TASP1: variants seen among roughly 807,000 people sequenced by gnomAD.
The protein encoded by TASP1 is taspase 1, also known as threonine aspartase 1.
Under a neutral mutation model 56.6 loss-of-function variants are expected in TASP1, and 16 were observed. That is an observed-to-expected ratio of 0.28 (90% CI 0.19 to 0.43). The LOEUF (loss-of-function observed/expected upper bound fraction) is 0.43, where lower values mean the gene tolerates loss of function less well. TASP1 is among the 20% of genes least tolerant of loss of function. The probability of loss-of-function intolerance (pLI) is 1.00; values close to 1 mark genes in which losing one functional copy is unlikely to be tolerated. For synonymous variants in TASP1, 179 were observed against 184.2 expected (o/e 0.97, Z 0.23); for missense variants, 393 against 511.6 (o/e 0.77, Z 2.24).
the TASP1 span, among the ~76,000 whole-genome samples, chr20:13,356,072 G>A: frequency 2.6e-5 from 4 of 152,104 alleles, no homozygotes; most frequent in Admixed American, 2.6e-4. Context: ...TATTCCCACT[G>A]GATATTTGGC....
At chr20:13,160,026 A>AG in the TASP1 span, 2 of 1,613,054 alleles carry the variant, frequency 1.2e-6, no homozygotes, top group Middle Eastern at 3.3e-4. Flanking sequence ...CATATGCTAG[A>AG]GAAAAAAATT....
chr20:13,320,120 C>A, the TASP1 span, among the ~76,000 whole-genome samples: 1 of 152,176 alleles, frequency 6.6e-6, no homozygotes, highest in African/African-American at 2.4e-5. Flanking sequence ...CTGTGAGAAG[C>A]AATCTATACC....
At chr20:13,358,221 C>A in the TASP1 span, among the ~76,000 whole-genome samples, 3 of 152,188 alleles carry the variant, frequency 2.0e-5, no homozygotes, top group Non-Finnish European at 4.4e-5. Context: ...CCCTTATCTC[C>A]CTTCGCTGAC....
At chr20:13,264,103 A>G in the TASP1 span, among the ~76,000 whole-genome samples, 1 of 152,120 alleles carries the variant, frequency 6.6e-6, no homozygotes, top group African/African-American at 2.4e-5. Context: ...ATCAACTAGT[A>G]CTTATTTGTT....
chr20:13,180,148 A>G, the TASP1 span, among the ~76,000 whole-genome samples: 1 of 152,204 alleles, frequency 6.6e-6, no homozygotes, highest in Non-Finnish European at 1.5e-5. Flanking sequence ...TCAAGAATAA[A>G]TTCTGCCTTG....
the TASP1 span, among the ~76,000 whole-genome samples, chr20:13,287,948 G>C: frequency 6.6e-6 from 1 of 152,220 alleles, no homozygotes; most frequent in South Asian, 2.1e-4. Flanking sequence ...GCATTCAGCT[G>C]TCCACTGGGA....
At chr20:13,438,124 T>C (rs1365050660) in intron 11 of TASP1, among the ~76,000 whole-genome samples, 1 of 151,172 alleles carries the variant, frequency 6.6e-6, no homozygotes, top group African/African-American at 2.4e-5. Flanking sequence ...AAGCTACCAA[T>C]GACTTTCTTT....
chr20:13,274,847 G>A, the TASP1 span, among the ~76,000 whole-genome samples: 3 of 152,148 alleles, frequency 2.0e-5, no homozygotes, highest in Admixed American at 6.5e-5. Flanking sequence ...GTGAGGAGGG[G>A]AAGAAAATGC....
chr20:13,375,548 G>C, the TASP1 span, among the ~76,000 whole-genome samples: 1 of 152,154 alleles, frequency 6.6e-6, no homozygotes, highest in Non-Finnish European at 1.5e-5. Flanking sequence ...AAACATATGT[G>C]TGCATATGTC....
At chr20:13,224,236 G>T in the TASP1 span, among the ~76,000 whole-genome samples, 1 of 152,096 alleles carries the variant, frequency 6.6e-6, no homozygotes, top group Non-Finnish European at 1.5e-5. Flanking sequence ...TCATAATTTT[G>T]CTGTTTTGTA....
chr20:13,572,926 A>C (rs1208356448), intron 6 of TASP1, among the ~76,000 whole-genome samples: 1 of 152,162 alleles, frequency 6.6e-6, no homozygotes, highest in Non-Finnish European at 1.5e-5. Context: ...AAGGATCTTC[A>C]GGAACCCCCG....
the TASP1 span, among the ~76,000 whole-genome samples, chr20:13,220,953 C>T: frequency 6.6e-6 from 1 of 152,178 alleles, no homozygotes; most frequent in African/African-American, 2.4e-5. Flanking sequence ...ACAGCGACCT[C>T]GGCAGCGGGC....
chr20:13,499,030 G>A (rs2043844141), intron 10 of TASP1, among the ~76,000 whole-genome samples: 1 of 152,096 alleles, frequency 6.6e-6, no homozygotes, highest in Non-Finnish European at 1.5e-5. Context: ...TTCATCACAG[G>A]ACTATTCACA....
intron 10 of TASP1, among the ~76,000 whole-genome samples, chr20:13,512,913 G>A (rs1410985758): frequency 3.9e-5 from 6 of 152,204 alleles, no homozygotes; most frequent in Admixed American, 6.5e-5. Flanking sequence ...GATGGTTGTA[G>A]ATGTGTGATA....
the TASP1 span, among the ~76,000 whole-genome samples, chr20:13,147,938 G>A: frequency 1.3e-5 from 2 of 152,358 alleles, no homozygotes; most frequent in Admixed American, 1.3e-4. Context: ...TGCAAAGTCT[G>A]CAGAAAATAG....
chr20:13,374,212 T>C, the TASP1 span, among the ~76,000 whole-genome samples: 11 of 152,220 alleles, frequency 7.2e-5, no homozygotes, highest in Admixed American at 7.2e-4. Flanking sequence ...TTTAAAGTCT[T>C]TATAAAATCT....
the TASP1 span, among the ~76,000 whole-genome samples, chr20:13,170,204 A>T: frequency 1.3e-5 from 2 of 152,230 alleles, no homozygotes; most frequent in African/African-American, 4.8e-5. Flanking sequence ...AGGCAAGTAT[A>T]TTCAAGTTAT....
chr20:13,626,673 T>C (rs2048902930), intron 2 of TASP1, among the ~76,000 whole-genome samples: 1 of 152,172 alleles, frequency 6.6e-6, no homozygotes, highest in Admixed American at 6.5e-5. Context: ...AAGAGAACTC[T>C]GAACATTCAC....
At chr20:13,236,398 C>T in the TASP1 span, among the ~76,000 whole-genome samples, 1 of 152,190 alleles carries the variant, frequency 6.6e-6, no homozygotes, top group African/African-American at 2.4e-5. Context: ...GTCCTTCCCA[C>T]AACACATGGG....
Sources: allele counts gnomAD v4.1 joint callset (sites outside exome capture counted in the v4.1 genomes callset), GRCh38; gene constraint gnomAD v4.1.1; transcripts MANE v1.5; gene names NCBI Gene and HGNC (gene_info 2026-07-23, HGNC 2026-07-21).